Variants in PPP3CC observed in about 807,000 individuals in gnomAD.
PPP3CC encodes serine/threonine-protein phosphatase 2B catalytic subunit gamma isoform.
Under a neutral mutation model 60.3 loss-of-function variants are expected in PPP3CC, and 35 were observed. The ratio of observed to expected loss-of-function variants is 0.58; its 90% CI spans 0.44 to 0.77. PPP3CC has a LOEUF of 0.77. Among genes scored for constraint, PPP3CC ranks in the 30% least tolerant of loss-of-function variants. The pLI, the probability that PPP3CC is intolerant of heterozygous loss-of-function variation, is 0.00. For missense variants in PPP3CC, 570 were observed against 628.9 expected, an observed-to-expected ratio of 0.91 and a Z score of 1.00; for synonymous variants, 206 against 224.3, an observed-to-expected ratio of 0.92 and a Z score of 0.73.
chr8:22,458,651 A>T (rs901631453), intron 1 of PPP3CC, among the ~76,000 whole-genome samples: 1 of 151,460 alleles, frequency 6.6e-6, no homozygotes, highest in Non-Finnish European at 1.5e-5. Context: ...GTAAAATAAA[A>T]ATATATATAT....
At chr8:22,492,605 T>A in intron 3 of PPP3CC, 1 of 529,430 alleles carries the variant, frequency 1.9e-6, no homozygotes, top group Non-Finnish European at 3.5e-6. Flanking sequence ...GCCCCTTATC[T>A]GCTCTGAGAA....
chr8:22,451,021 A>C (rs1586783854), intron 1 of PPP3CC, among the ~76,000 whole-genome samples: 1 of 123,634 alleles, frequency 8.1e-6, no homozygotes, highest in Non-Finnish European at 1.6e-5. Context: ...TTTTTTTTTT[A>C]ATAGAGATGG....
intron 6 of PPP3CC, among the ~76,000 whole-genome samples, chr8:22,519,699 G>A (rs181636791): frequency 1.2e-3 from 178 of 152,292 alleles, no homozygotes; most frequent in Admixed American, 1.9e-3. Flanking sequence ...CTGTCACCTA[G>A]GCTGGAGTGC....
intron 4 of PPP3CC, among the ~76,000 whole-genome samples, chr8:22,508,619 G>T (rs896870940): frequency 1.3e-5 from 2 of 152,122 alleles, no homozygotes; most frequent in African/African-American, 4.8e-5. Flanking sequence ...GGATTGAAAG[G>T]CATTTATCAA....
intron 8 of PPP3CC, among the ~76,000 whole-genome samples, chr8:22,525,105 C>A (rs1283523983): frequency 2.0e-5 from 3 of 151,952 alleles, no homozygotes; most frequent in Non-Finnish European, 4.4e-5. Context: ...GAGCTGTGAT[C>A]ACACCACTGC....
intron 4 of PPP3CC, among the ~76,000 whole-genome samples, chr8:22,508,180 A>G (rs1432341000): frequency 3.3e-5 from 5 of 152,158 alleles, no homozygotes; most frequent in Non-Finnish European, 7.4e-5. Flanking sequence ...ACTTGATCCT[A>G]GGAGCTTGAG....
Position 22,487,272 on chromosome 8 carries a change from A to T in PPP3CC, c.373-10729A>T, listed in dbSNP as rs572071995. Among the ~76,000 whole-genome samples the T allele has an allele frequency of 2.6e-5, 4 of 152,328 alleles. No individual in the cohort carries two copies. In the East Asian group the frequency reaches 7.7e-4, roughly 29 times the overall value. ...AAGACTTCTGCCGCTGATAAAACAA[A>T]ATAGTAAAGTTTTATTTATCTTTGA... On this transcript the variant is annotated intron_variant, in intron 3 of 13. Coordinates refer to ENST00000240139, the MANE Select transcript of PPP3CC (RefSeq NM_005605.5).
At chr8:22,491,956 A>G (rs971392859) in intron 3 of PPP3CC, among the ~76,000 whole-genome samples, 1 of 152,178 alleles carries the variant, frequency 6.6e-6, no homozygotes, top group Non-Finnish European at 1.5e-5. Context: ...TACTTTCAGC[A>G]TTGTGTCAAA....
In PPP3CC at chr8:22,475,039, T is replaced by G. The variant is rs1365188184; in HGVS notation, c.135T>G (p.His45Gln). The G allele has an allele frequency of 6.8e-6, 11 of 1,612,884 alleles. No individual in the cohort carries two copies. The highest frequency in any genetic ancestry group is 1.3e-5 in the African/African-American group (1 of 74,852). The change falls in exon 2 of 14, where the codon CAT (histidine) becomes CAG (glutamine). Residue 45 changes from histidine to glutamine, a missense_variant. By Grantham distance (24) the His-to-Gln change is conservative. Transcript: ENST00000240139. ...GKPKVDVLKN[H>Q]LVKEGRLEEE... ...CTAAAGTTGATGTTTTAAAAAACCA[T>G]TTGGTAAAGGAAGGACGACTGGAAG...
chr8:22,471,196 C>T (rs1267896730), intron 1 of PPP3CC, among the ~76,000 whole-genome samples: 2 of 152,002 alleles, frequency 1.3e-5, no homozygotes, highest in Non-Finnish European at 2.9e-5. Context: ...GAGCTTGTTG[C>T]ACAGATGGCC....
chr8:22,465,481 G>A (rs1837492521), intron 1 of PPP3CC, among the ~76,000 whole-genome samples: 1 of 152,192 alleles, frequency 6.6e-6, no homozygotes, highest in Non-Finnish European at 1.5e-5. Flanking sequence ...AAATGCAGTA[G>A]TGTCGGGAGG....
intron 1 of PPP3CC, among the ~76,000 whole-genome samples, chr8:22,448,381 G>GTTTTTTTTT (rs34309415): frequency 7.4e-6 from 1 of 135,126 alleles, no homozygotes; most frequent in African/African-American, 2.8e-5. Context: ...CCTTTTTTTT[G>GTTTTTTTTT]TTTTTTTTTT....
At chr8:22,531,769 T>G (rs1196635360) in intron 10 of PPP3CC, among the ~76,000 whole-genome samples, 1 of 152,210 alleles carries the variant, frequency 6.6e-6, no homozygotes, top group Non-Finnish European at 1.5e-5. Context: ...GAGAGCTAGC[T>G]GGGTGTTGTG....
In PPP3CC at chr8:22,509,177, T is replaced by C. The variant is rs148636413; in HGVS notation, c.485-1909T>C. On this transcript the variant is annotated intron_variant, in intron 4 of 13. Transcript: ENST00000240139. ...CCTTAGGGATCTCTCTCTTAATCAT[T>C]CCTGCCACCCATATAGTACTGCAGT... Among the ~76,000 whole-genome samples the C allele has an allele frequency of 1.8e-3, 276 of 152,270 alleles. 2 individuals are homozygous for C. The highest frequency in any genetic ancestry group is 3.6e-3 in the Admixed American group (55 of 15,288).
Position 22,475,570 on chromosome 8 carries a change from C to A in PPP3CC, c.318C>A (p.Asn106Lys). The A allele has an allele frequency of 6.2e-7, 1 of 1,612,928 alleles. No individual in the cohort carries two copies. Among genetic ancestry groups the A allele is most frequent in the South Asian group, 1.1e-5 (1 of 91,036 alleles). The change falls in exon 3 of 14, where the codon AAC becomes AAA. Residue 106 changes from asparagine (N) to lysine (K), a missense_variant. By Grantham distance (94) the Asn-to-Lys change is moderately conservative. Transcript: ENST00000240139. ...KLFEVGGSPS[N>K]TRYLFLGDYV... is the part of the protein sequence containing the mutation. The stretch of plus-strand genomic sequence containing the variant: ...TTGAAGTTGGAGGATCACCTAGTAA[C>A]ACACGCTACCTCTTTCTGGGTGACT...
intron 3 of PPP3CC, among the ~76,000 whole-genome samples, chr8:22,480,561 C>T (rs921839234): frequency 2.0e-5 from 3 of 152,164 alleles, no homozygotes; most frequent in South Asian, 2.1e-4. Context: ...TCACTGCATC[C>T]TCCGCCTCCC....
intron 4 of PPP3CC, among the ~76,000 whole-genome samples, chr8:22,509,713 T>C (rs1839026355): frequency 6.6e-6 from 1 of 152,156 alleles, no homozygotes; most frequent in Non-Finnish European, 1.5e-5. Context: ...TTATTTTTTA[T>C]TGTTTAGAGA....
chr8:22,489,712 AG>A (rs1340075301), intron 3 of PPP3CC, among the ~76,000 whole-genome samples: 8 of 136,960 alleles, frequency 5.8e-5, no homozygotes, highest in African/African-American at 2.1e-4. Context: ...ATTATATATA[AG>A]TATATATTAT....
rs577308013 is a variant in PPP3CC at position 22,479,881 on chromosome 8, A to G, written c.372+4257A>G. Among the ~76,000 whole-genome samples, 67 of 152,280 alleles carry G rather than the reference A, an allele frequency of 4.4e-4. 1 individual carries two copies. Among genetic ancestry groups the G allele is most frequent in the Middle Eastern group, 3.4e-3 (1 of 294 alleles). ...GAAAAATGTTATGTATTGCTGTTTG[A>G]GAAAGTTCATTGACACTAGTAAGGT... On this transcript the variant is annotated intron_variant, in intron 3 of 13. Coordinates refer to ENST00000240139, the MANE Select transcript of PPP3CC (RefSeq NM_005605.5).
Sources: allele counts gnomAD v4.1 joint callset (sites outside exome capture counted in the v4.1 genomes callset), GRCh38; gene constraint gnomAD v4.1.1; transcripts MANE v1.5; gene names NCBI Gene and HGNC (gene_info 2026-07-23, HGNC 2026-07-21).